Variants in PAH observed in about 807,000 individuals in gnomAD.
The protein encoded by PAH is phenylalanine-4-hydroxylase.
PAH carries 64 observed loss-of-function variants against 62.0 expected under a neutral mutation model. That is an observed-to-expected ratio of 1.03 (90% CI 0.84 to 1.27). The LOEUF (loss-of-function observed/expected upper bound fraction) is 1.27, where lower values mean the gene tolerates loss of function less well. PAH is among the 50% of genes most tolerant of loss of function. PAH has a pLI of 0.00. For synonymous variants in PAH, 195 were observed against 196.2 expected, an observed-to-expected ratio of 0.99 and a Z score of 0.05; for missense variants, 579 against 542.8, an observed-to-expected ratio of 1.07 and a Z score of -0.66.
At chr12:102,851,603 T>C in intron 8 of PAH, 84 bp downstream of exon 8, 1 of 1,099,100 alleles carries the variant, frequency 9.1e-7, no homozygotes, top group Non-Finnish European at 1.4e-6. Flanking sequence ...GCAGAGGGCA[T>C]GAGGACCCCT....
chr12:102,866,628 C>T lies in PAH; in HGVS notation c.477G>A (p.Lys159=). The T allele has an allele frequency of 6.2e-7, 1 of 1,613,854 alleles. No homozygotes were observed. The highest frequency in any genetic ancestry group is 8.5e-7 in the Non-Finnish European group (1 of 1,179,792). The change falls in exon 5 of 13, where the codon AAG becomes AAA. Residue 159 remains lysine (K), a synonymous_variant. Coordinates refer to ENST00000553106, the MANE Select transcript of PAH (RefSeq NM_000277.3). The stretch of plus-strand genomic sequence containing the variant: ...AGTTGTAGGCAATGTCAGCAAACTG[C>T]TTCCGTCTTGCACGGTACACAGGAT... The part of the protein sequence containing the change: ...FKDPVYRARR[K]QFADIAYNYR...
chr12:102,944,600 TTTAA>T (rs1346533213), intron 1 of PAH, among the ~76,000 whole-genome samples: 1 of 152,234 alleles, frequency 6.6e-6, no homozygotes, highest in East Asian at 1.9e-4. Context: ...CTCAATTCTT[TTTAA>T]TTGTTTTAAA....
chr12:102,868,809 T>C (rs1876174402), intron 4 of PAH, among the ~76,000 whole-genome samples: 1 of 152,222 alleles, frequency 6.6e-6, no homozygotes, highest in African/African-American at 2.4e-5. Context: ...CATGTAATAT[T>C]GGTCAGTCAT....
At chr12:102,912,927 C>A (rs1878260842) in intron 1 of PAH, 29 bp from the exon 2 acceptor site, 2 of 1,459,834 alleles carry the variant, frequency 1.4e-6, no homozygotes, top group African/African-American at 2.8e-5. Context: ...TTGTTTAAAA[C>A]ATTTTCCACA....
chr12:102,903,022 G>A (rs1877822493), intron 2 of PAH, among the ~76,000 whole-genome samples: 1 of 152,176 alleles, frequency 6.6e-6, no homozygotes, highest in Admixed American at 6.5e-5. Flanking sequence ...TTTTCTTTGT[G>A]TTTCTTTTCC....
intron 5 of PAH, among the ~76,000 whole-genome samples, chr12:102,863,933 A>G (rs921187321): frequency 2.6e-5 from 4 of 152,124 alleles, no homozygotes; most frequent in African/African-American, 9.7e-5. Context: ...GCAGCCTTCT[A>G]GATGATTCTA....
chr12:102,917,048 C>T, intron 1 of PAH, 23 bp downstream of exon 1: 1 of 1,612,664 alleles, frequency 6.2e-7, no homozygotes, highest in Non-Finnish European at 8.5e-7. Flanking sequence ...CCTAACTGAG[C>T]AGCTCAGGCT....
At chr12:102,895,601 C>A (rs1877464504) in intron 2 of PAH, among the ~76,000 whole-genome samples, 1 of 151,994 alleles carries the variant, frequency 6.6e-6, no homozygotes. Context: ...AATCCCAGCA[C>A]TTTGAGGGGC....
intron 4 of PAH, among the ~76,000 whole-genome samples, chr12:102,874,861 C>T (rs1172799074): frequency 6.6e-6 from 1 of 152,134 alleles, no homozygotes. Flanking sequence ...CTTTGGAGGA[C>T]CTGATGAGAG....
At chr12:102,876,010 G>A (rs1447437300) in intron 4 of PAH, among the ~76,000 whole-genome samples, 1 of 150,486 alleles carries the variant, frequency 6.6e-6, no homozygotes, top group Non-Finnish European at 1.5e-5. Flanking sequence ...TTGATTTATT[G>A]ATTATTTTAG....
upstream of PAH, among the ~76,000 whole-genome samples, chr12:102,953,027 TC>T (rs1879814509): frequency 6.6e-6 from 1 of 152,170 alleles, no homozygotes; most frequent in Non-Finnish European, 1.5e-5. Flanking sequence ...CTTTTCATTT[TC>T]CCTGGGTAGG....
intron 6 of PAH, chr12:102,853,290 T>C (rs1400500994): frequency 2.9e-6 from 1 of 350,306 alleles, no homozygotes; most frequent in Non-Finnish European, 5.5e-6. Context: ...TTACCATTTG[T>C]TAGGGTGGAA....
Position 102,853,365 on chromosome 12 carries a change from G to A in PAH, c.707-415C>T, listed in dbSNP as rs140178163. ...GAATTTGAACCTCATTTCCCAGAAG[G>A]GAAGAGTATGGATAGAGTGCTTCCA... On this transcript the variant is annotated intron_variant, in intron 6 of 12. Coordinates refer to ENST00000553106, the MANE Select transcript of PAH (RefSeq NM_000277.3). 1.1e-4 allele frequency: 34 copies of A among 320,516 alleles called. No homozygotes were observed. In the East Asian group the frequency reaches 2.3e-3, roughly 21 times the overall value. 19.9% of individuals were successfully genotyped at this position (320,516 alleles called of 1,614,324 possible).
At chr12:102,856,933 C>T (rs1047247176) in intron 5 of PAH, among the ~76,000 whole-genome samples, 6 of 152,224 alleles carry the variant, frequency 3.9e-5, no homozygotes, top group Non-Finnish European at 8.8e-5. Context: ...CACCTCTCCC[C>T]GTCCAAAGGA....
chr12:102,951,302 G>A (rs930526317), upstream of PAH, among the ~76,000 whole-genome samples: 3 of 152,182 alleles, frequency 2.0e-5, no homozygotes, highest in African/African-American at 7.2e-5. Flanking sequence ...CGCGCTACCA[G>A]GGAGACTCCT....
exon 1 of PAH, chr12:102,958,357 C>T: frequency 7.0e-7 from 1 of 1,428,570 alleles, no homozygotes; most frequent in Non-Finnish European, 9.1e-7. Flanking sequence ...GCCGCAGCCG[C>T]GGCGGCCGCA....
intron 5 of PAH, 63 bp downstream of exon 5, chr12:102,866,533 A>C: frequency 7.8e-7 from 1 of 1,280,030 alleles, no homozygotes; most frequent in Admixed American, 1.7e-5. Context: ...GGATGAGGGC[A>C]AGGGAGAAGC....
intron 5 of PAH, among the ~76,000 whole-genome samples, chr12:102,863,521 G>A (rs918392491): frequency 6.6e-6 from 1 of 152,114 alleles, no homozygotes; most frequent in Admixed American, 6.6e-5. Context: ...ATTGTGCCTG[G>A]CTGAGAGATG....
At chr12:102,914,327 A>C (rs1371070855) in intron 1 of PAH, 2 of 153,240 alleles carry the variant, frequency 1.3e-5, no homozygotes, top group African/African-American at 2.4e-5. Context: ...TGGGTATTAT[A>C]ATAAGCACTT....
Sources: allele counts gnomAD v4.1 joint callset (sites outside exome capture counted in the v4.1 genomes callset), GRCh38; gene constraint gnomAD v4.1.1; transcripts MANE v1.5; gene names NCBI Gene and HGNC (gene_info 2026-07-23, HGNC 2026-07-21).